Variants in PTPRN2 observed in about 807,000 individuals in gnomAD.
PTPRN2 encodes the protein protein tyrosine phosphatase receptor type N2, also known as receptor-type tyrosine-protein phosphatase N2.
Under a neutral mutation model 118.8 loss-of-function variants are expected in PTPRN2, and 74 were observed. The ratio of observed to expected loss-of-function variants is 0.62; its 90% CI spans 0.52 to 0.76. The LOEUF (loss-of-function observed/expected upper bound fraction) is 0.76. Among genes scored for constraint, PTPRN2 ranks in the 30% least tolerant of loss-of-function variants. The pLI, the probability that PTPRN2 is intolerant of heterozygous loss-of-function variation, is 0.00. For missense variants in PTPRN2, 1,481 were observed against 1,394.4 expected, an observed-to-expected ratio of 1.06 and a Z score of -0.99; for synonymous variants, 641 against 608.0, an observed-to-expected ratio of 1.05 and a Z score of -0.80.
intron 11 of PTPRN2, among the ~76,000 whole-genome samples, chr7:157,912,860 C>T (rs949891074): frequency 2.6e-5 from 4 of 152,206 alleles, no homozygotes; most frequent in African/African-American, 9.7e-5. Flanking sequence ...TCTCCGTGCA[C>T]AGATCCATGT....
chr7:158,238,375 G>A (rs940427740), intron 3 of PTPRN2, among the ~76,000 whole-genome samples: 6 of 152,030 alleles, frequency 3.9e-5, no homozygotes, highest in Non-Finnish European at 5.9e-5. Flanking sequence ...GGGTGTGGGT[G>A]GCACCAAAAG....
intron 12 of PTPRN2, among the ~76,000 whole-genome samples, chr7:157,793,340 G>A (rs1047478873): frequency 2.0e-5 from 3 of 152,134 alleles, no homozygotes; most frequent in South Asian, 2.1e-4. Context: ...CCCTCGCGGC[G>A]GTGATAACCT....
intron 3 of PTPRN2, among the ~76,000 whole-genome samples, chr7:158,308,647 A>T (rs530237295): frequency 6.6e-6 from 1 of 151,464 alleles, no homozygotes; most frequent in African/African-American, 2.4e-5. Context: ...GTATTAATTC[A>T]ACTAGATTAT....
chr7:158,413,849 G>A (rs147839409), intron 2 of PTPRN2, among the ~76,000 whole-genome samples: 443 of 152,300 alleles, frequency 2.9e-3, no homozygotes, highest in Admixed American at 7.3e-3. Context: ...CCTTAAACAT[G>A]GAGGCAAGGG....
chr7:158,096,111 G>A (rs988258450), intron 10 of PTPRN2, among the ~76,000 whole-genome samples: 2 of 152,108 alleles, frequency 1.3e-5, no homozygotes, highest in Non-Finnish European at 2.9e-5. Context: ...ATGAAATAGC[G>A]CAATTGTCCA....
At position 158,009,123 on chromosome 7, in the gene PTPRN2, CT is replaced by C. The variant is rs943810555; in HGVS notation, c.1723+72174del. On this transcript the variant is annotated intron_variant, in intron 11 of 22. Coordinates refer to ENST00000389418, the MANE Select transcript of PTPRN2 (RefSeq NM_002847.5). ...CGAACAGAGCCCCAGGAGGCCCCACCTGGTGCCCGTGACCGACCCCCTCAGT... is the reference window on the plus strand; with the variant it reads ...CGAACAGAGCCCCAGGAGGCCCCACCGGTGCCCGTGACCGACCCCCTCAGT... Among the ~76,000 whole-genome samples the C allele has an allele frequency of 5.9e-5, 9 of 152,118 alleles. 1 individual carries two copies. Among genetic ancestry groups the C allele is most frequent in the South Asian group, 4.1e-4 (2 of 4,824 alleles).
At chr7:158,156,604 G>T (rs1821841275) in intron 6 of PTPRN2, among the ~76,000 whole-genome samples, 1 of 152,236 alleles carries the variant, frequency 6.6e-6, no homozygotes, top group African/African-American at 2.4e-5. Flanking sequence ...ACACACAGCT[G>T]CAGTCAGACG....
At chr7:157,749,069 C>G (rs375278229) in intron 12 of PTPRN2, among the ~76,000 whole-genome samples, 61 of 62,298 alleles carry the variant, frequency 9.8e-4, no homozygotes, top group African/African-American at 3.3e-3. Context: ...GAGCTGTGGG[C>G]TGTCCGGGTG....
At chr7:157,749,939 T>C (rs1354735326) in intron 12 of PTPRN2, among the ~76,000 whole-genome samples, 1 of 149,100 alleles carries the variant, frequency 6.7e-6, no homozygotes, top group African/African-American at 2.5e-5. Flanking sequence ...GGTGTCCGGG[T>C]GATTCTGAGG....
At chr7:158,310,051 C>A (rs1331584194) in intron 3 of PTPRN2, among the ~76,000 whole-genome samples, 1 of 152,264 alleles carries the variant, frequency 6.6e-6, no homozygotes, top group East Asian at 1.9e-4. Context: ...ATGGGGGAGC[C>A]TCCAGAGCTC....
At chr7:158,484,779 C>T (rs1820883423) in intron 2 of PTPRN2, among the ~76,000 whole-genome samples, 1 of 152,214 alleles carries the variant, frequency 6.6e-6, no homozygotes, top group Non-Finnish European at 1.5e-5. Flanking sequence ...CTTCCTGCCT[C>T]CCTTTCCACG....
At chr7:158,312,163 C>T (rs1055632247) in intron 3 of PTPRN2, among the ~76,000 whole-genome samples, 1 of 151,710 alleles carries the variant, frequency 6.6e-6, no homozygotes, top group African/African-American at 2.4e-5. Context: ...TGCACACACA[C>T]CTGCACATGC....
chr7:157,770,942 G>A (rs1802765098), intron 12 of PTPRN2, among the ~76,000 whole-genome samples: 1 of 152,204 alleles, frequency 6.6e-6, no homozygotes, highest in South Asian at 2.1e-4. Context: ...CCACCTGAGT[G>A]CGGGGGCTGT....
At chr7:158,196,757 C>G (rs1826245272) in intron 4 of PTPRN2, among the ~76,000 whole-genome samples, 1 of 152,216 alleles carries the variant, frequency 6.6e-6, no homozygotes, top group African/African-American at 2.4e-5. Context: ...CTATAGATTT[C>G]TCCTTGAGAA....
Position 157,674,318 on chromosome 7 carries a change from C to G in PTPRN2, c.2001+8407G>C, listed in dbSNP as rs991547738. 2.1e-4 allele frequency among the ~76,000 whole-genome samples: 32 copies of G among 152,130 alleles called. No homozygotes were observed. Among genetic ancestry groups the G allele is most frequent in the African/African-American group, 7.0e-4 (29 of 41,446 alleles). On this transcript the variant is annotated intron_variant, in intron 13 of 22. Coordinates refer to ENST00000389418, the MANE Select transcript of PTPRN2 (RefSeq NM_002847.5). The surrounding 1 kb of genome is among the most constrained non-coding windows in gnomAD (Gnocchi z 4.5). Reference sequence around the variant, plus strand: ...CCCAGGAGGCGAGGGTGGGGGGACTCCTGCTGGAGGCGGCCGGCAGATCAG... The same window carrying G: ...CCCAGGAGGCGAGGGTGGGGGGACTGCTGCTGGAGGCGGCCGGCAGATCAG...
Position 158,509,914 on chromosome 7 carries a change from A to G in PTPRN2, c.113-20129T>C, listed in dbSNP as rs1158510284. Among the ~76,000 whole-genome samples the G allele has an allele frequency of 6.6e-6, 1 of 152,204 alleles. No homozygotes were observed. Among genetic ancestry groups the G allele is most frequent in the Admixed American group, 6.5e-5 (1 of 15,286 alleles). On this transcript the variant is annotated intron_variant, in intron 1 of 22. Transcript: ENST00000389418. The surrounding 1 kb of genome is among the most constrained non-coding windows in gnomAD (Gnocchi z 4.4). ...AACTCAAGGATGTTCATGGCCCTCA[A>G]ATGTACACTTGAGGCCAGGCTATGA...
At chr7:158,522,459 G>A (rs540989503) in intron 1 of PTPRN2, among the ~76,000 whole-genome samples, 2 of 152,058 alleles carry the variant, frequency 1.3e-5, no homozygotes, top group South Asian at 2.1e-4. Flanking sequence ...CTGTTTAGGA[G>A]AAAGGTCCAC....
intron 10 of PTPRN2, among the ~76,000 whole-genome samples, chr7:158,082,832 C>T (rs904581150): frequency 6.6e-6 from 1 of 152,208 alleles, no homozygotes; most frequent in African/African-American, 2.4e-5. Context: ...CTACTGCATG[C>T]AAAATGTCCT....
chr7:157,703,733 C>T (rs1798192517), intron 12 of PTPRN2, among the ~76,000 whole-genome samples: 1 of 152,112 alleles, frequency 6.6e-6, no homozygotes, highest in African/African-American at 2.4e-5. Context: ...ACGCTCCCCT[C>T]ACTCCCCGCG....
Sources: allele counts gnomAD v4.1 joint callset (sites outside exome capture counted in the v4.1 genomes callset), GRCh38; gene constraint gnomAD v4.1.1; non-coding constraint Gnocchi (gnomAD v3.1); transcripts MANE v1.5; gene names NCBI Gene and HGNC (gene_info 2026-07-23, HGNC 2026-07-21).